KLF15: variants seen among roughly 807,000 people sequenced by gnomAD.
The protein encoded by KLF15 is KLF transcription factor 15.
In KLF15, 4 loss-of-function variants were observed where a neutral mutation model predicts 24.6. That is an observed-to-expected ratio of 0.16 (90% CI 0.08 to 0.37). The LOEUF (loss-of-function observed/expected upper bound fraction) is 0.37, where lower values mean the gene tolerates loss of function less well. Among genes scored for constraint, KLF15 ranks in the 10% least tolerant of loss-of-function variants. The probability of loss-of-function intolerance (pLI) is 1.00; values close to 1 mark genes in which losing one functional copy is unlikely to be tolerated. For synonymous variants in KLF15, 246 were observed against 236.3 expected, an observed-to-expected ratio of 1.04 and a Z score of -0.37; for missense variants, 496 against 560.6, an observed-to-expected ratio of 0.88 and a Z score of 1.16.
chr3:126,302,311 T>C, the KLF15 span, among the ~76,000 whole-genome samples: 9 of 152,296 alleles, frequency 5.9e-5, no homozygotes, highest in South Asian at 2.1e-4. Context: ...TAGTCAGTCT[T>C]GGTAAATGTT....
chr3:126,320,212 A>G, the KLF15 span, among the ~76,000 whole-genome samples: 3 of 152,226 alleles, frequency 2.0e-5, no homozygotes, highest in African/African-American at 7.2e-5. Context: ...CAGGGTGAAC[A>G]TATCTGCTAT....
chr3:126,290,448 C>T, the KLF15 span, among the ~76,000 whole-genome samples: 2 of 152,176 alleles, frequency 1.3e-5, no homozygotes, highest in Admixed American at 6.5e-5. Flanking sequence ...TTATTTCTGA[C>T]CTATACTACT....
rs751322127 is a variant in KLF15 at position 126,343,752 on chromosome 3, C to A, written c.1226G>T (p.Ser409Ile). ...HIKVHRFPRS[S>I]RSVRSVN ...TCAGTTCACGGAGCGCACGGAGCGGCTGCTCCGCGGGAAGCGGTGCACCTT... is the reference window on the plus strand; with the variant it reads ...TCAGTTCACGGAGCGCACGGAGCGGATGCTCCGCGGGAAGCGGTGCACCTT... The change falls in exon 3 of 3, where the codon AGC becomes ATC. Residue 409 changes from serine to isoleucine, a missense_variant. Ser to Ile is a moderately radical substitution (Grantham distance 142). This residue lies in a region of KLF15 where 38 missense variants were observed against 31.5 expected (regional missense o/e 1.21). Transcript: ENST00000296233. 6.2e-7 allele frequency: 1 copy of A among 1,611,806 alleles called. No individual in the cohort carries two copies. Among genetic ancestry groups the A allele is most frequent in the Non-Finnish European group, 8.5e-7 (1 of 1,179,750 alleles).
At chr3:126,322,940 A>G in the KLF15 span, among the ~76,000 whole-genome samples, 1 of 151,990 alleles carries the variant, frequency 6.6e-6, no homozygotes, top group Non-Finnish European at 1.5e-5. Context: ...ATTTATGAAA[A>G]TTTAAATTGT....
chr3:126,352,068 G>T lies in KLF15; in HGVS notation c.855C>A (p.Pro285=), dbSNP rs376648326. The part of the protein sequence containing the change: ...PSKFVRIAPV[P]IAAKPVGSGP... Reference sequence around the variant, plus strand: ...CCGATCCAACAGGCTTGGCGGCAATGGGCACAGGGGCAATGCGCACAAACT... The same window carrying T: ...CCGATCCAACAGGCTTGGCGGCAATTGGCACAGGGGCAATGCGCACAAACT... Residue 285 remains proline, a synonymous_variant, in exon 2 of 3, where the codon CCC becomes CCA. Transcript: ENST00000296233. 99 of 1,533,038 alleles carry T rather than the reference G, an allele frequency of 6.5e-5. No individual in the cohort carries two copies. Among genetic ancestry groups the T allele is most frequent in the Non-Finnish European group, 8.7e-5 (99 of 1,138,032 alleles). The allele number at this position is 1,533,038 out of a possible 1,614,324, so 95.0% of individuals were successfully genotyped here. A position where few individuals can be genotyped will look rare whatever the true frequency, so the allele number is the denominator to read the frequency against.
At chr3:126,293,137 G>A in the KLF15 span, among the ~76,000 whole-genome samples, 6 of 124,110 alleles carry the variant, frequency 4.8e-5, no homozygotes, top group African/African-American at 1.5e-4. Flanking sequence ...TAGCAAGACT[G>A]CATCTCTAAA....
At chr3:126,300,499 T>C in the KLF15 span, among the ~76,000 whole-genome samples, 1 of 152,194 alleles carries the variant, frequency 6.6e-6, no homozygotes, top group African/African-American at 2.4e-5. Flanking sequence ...CAGTGACAAC[T>C]GGACAGGCAT....
the KLF15 span, among the ~76,000 whole-genome samples, chr3:126,297,359 AATTT>A: frequency 1.3e-5 from 2 of 152,152 alleles, no homozygotes; most frequent in African/African-American, 4.8e-5. Context: ...CTTTTTAATT[AATTT>A]ATTATTGCCC....
the KLF15 span, among the ~76,000 whole-genome samples, chr3:126,322,543 T>C: frequency 1.1e-4 from 17 of 152,234 alleles, no homozygotes; most frequent in African/African-American, 4.1e-4. Flanking sequence ...CCTCCCCCCA[T>C]CTCCAGACCC....
At chr3:126,349,805 C>T (rs1000143872) in intron 2 of KLF15, among the ~76,000 whole-genome samples, 1 of 152,216 alleles carries the variant, frequency 6.6e-6, no homozygotes, top group Non-Finnish European at 1.5e-5. Context: ...TGCCTCTCTG[C>T]AGCCCCTGCC....
chr3:126,310,241 C>T, the KLF15 span, among the ~76,000 whole-genome samples: 1 of 152,246 alleles, frequency 6.6e-6, no homozygotes, highest in Non-Finnish European at 1.5e-5. Context: ...TTTGGAGGCT[C>T]ACATTTAAAC....
the KLF15 span, among the ~76,000 whole-genome samples, chr3:126,313,339 G>A: frequency 6.5e-4 from 99 of 152,296 alleles, no homozygotes; most frequent in African/African-American, 2.3e-3. Flanking sequence ...TGTTGTTTAA[G>A]CCACTCATAT....
chr3:126,341,172 G>T (rs908021263), downstream of KLF15, among the ~76,000 whole-genome samples: 5 of 152,154 alleles, frequency 3.3e-5, no homozygotes, highest in African/African-American at 1.2e-4. Flanking sequence ...CCGGGGAGGT[G>T]CACCATATGT....
At chr3:126,299,134 G>T in the KLF15 span, among the ~76,000 whole-genome samples, 2 of 152,022 alleles carry the variant, frequency 1.3e-5, no homozygotes, top group African/African-American at 2.4e-5. Context: ...TGTCATCTAT[G>T]ATTTCTTTCA....
At chr3:126,333,754 AC>A in the KLF15 span, among the ~76,000 whole-genome samples, 1 of 126,206 alleles carries the variant, frequency 7.9e-6, no homozygotes, top group Non-Finnish European at 1.7e-5. Context: ...AAAACAAAAA[AC>A]GGCAGGGGTT....
rs751334989 is a variant in KLF15 at position 126,352,830 on chromosome 3, T to C, written c.93A>G (p.Ala31=). The C allele has an allele frequency of 1.1e-5, 18 of 1,607,936 alleles. No homozygotes were observed. The highest frequency in any genetic ancestry group is 1.5e-5 in the Non-Finnish European group (18 of 1,177,604). ...YLGDRLVGRR[A]YHMLPSPVSE... ...AGACGGGTGAGGGCAGCATGTGATA[T>C]GCCCGCCGGCCAACCAGCCTATCAC... Residue 31 remains alanine, a synonymous_variant, in exon 2 of 3, where the codon GCA becomes GCG. Transcript: ENST00000296233.
chr3:126,336,226 G>A, the KLF15 span, among the ~76,000 whole-genome samples: 5 of 126,576 alleles, frequency 4.0e-5, no homozygotes, highest in African/African-American at 9.6e-5. Flanking sequence ...CCAAAACAGA[G>A]ATATAGATCA....
At chr3:126,303,185 G>T in the KLF15 span, among the ~76,000 whole-genome samples, 1 of 152,046 alleles carries the variant, frequency 6.6e-6, no homozygotes, top group East Asian at 1.9e-4. Flanking sequence ...CTTTTGGAAA[G>T]ATTCAGATAA....
chr3:126,309,132 C>T, the KLF15 span, among the ~76,000 whole-genome samples: 6 of 152,212 alleles, frequency 3.9e-5, no homozygotes, highest in East Asian at 9.6e-4. Context: ...ACCGTGACGT[C>T]AGGAGTCAAT....
Sources: gnomAD v4.1 joint callset for allele counts (sites outside exome capture counted in the v4.1 genomes callset) on GRCh38, gnomAD v4.1.1 for gene constraint, gnomAD v4.1.1 regional missense constraint, MANE v1.5 for transcripts, NCBI Gene and HGNC (gene_info 2026-07-23, HGNC 2026-07-21) for gene names.